Variants in GALNTL6 observed in about 807,000 individuals in gnomAD.
The protein encoded by GALNTL6 is polypeptide N-acetylgalactosaminyltransferase-like 6.
Under a neutral mutation model 73.7 loss-of-function variants are expected in GALNTL6, and 46 were observed. The observed-to-expected ratio is 0.62, with a 90% CI of 0.49 to 0.80. GALNTL6 has a LOEUF of 0.80. GALNTL6 is among the 30% of genes least tolerant of loss of function. The pLI, the probability that GALNTL6 is intolerant of heterozygous loss-of-function variation, is 0.00. For synonymous variants in GALNTL6, 259 were observed against 263.7 expected (o/e 0.98, Z 0.17); for missense variants, 604 against 755.0 (o/e 0.80, Z 2.34).
intron 5 of GALNTL6, among the ~76,000 whole-genome samples, chr4:172,658,492 GA>G (rs910757766): frequency 1.3e-4 from 19 of 141,636 alleles, no homozygotes; most frequent in South Asian, 4.6e-4. Context: ...GAAAGAAAAA[GA>G]AAAAAAAAAG....
At chr4:172,122,319 C>G (rs1733174208) in intron 2 of GALNTL6, among the ~76,000 whole-genome samples, 1 of 151,830 alleles carries the variant, frequency 6.6e-6, no homozygotes, top group Non-Finnish European at 1.5e-5. Context: ...GGGAAAGAGT[C>G]TCATTATGAT....
chr4:172,629,754 A>G (rs952213785), intron 5 of GALNTL6, among the ~76,000 whole-genome samples: 3 of 152,306 alleles, frequency 2.0e-5, no homozygotes, highest in East Asian at 1.9e-4. Context: ...GGGAATTCCA[A>G]TGATGATGTA....
At chr4:171,983,464 T>TTTTTTTTA (rs373508042) in intron 2 of GALNTL6, among the ~76,000 whole-genome samples, 1 of 141,072 alleles carries the variant, frequency 7.1e-6, no homozygotes, top group Non-Finnish European at 1.5e-5. Flanking sequence ...GGCATCTTGA[T>TTTTTTTTA]TTTATTTATT....
At chr4:171,949,675 A>C (rs1021493259) in intron 2 of GALNTL6, among the ~76,000 whole-genome samples, 2 of 152,196 alleles carry the variant, frequency 1.3e-5, no homozygotes, top group Admixed American at 6.5e-5. Context: ...ACTAAGTAAA[A>C]ATATATTATA....
intron 2 of GALNTL6, among the ~76,000 whole-genome samples, chr4:171,864,740 A>G (rs1441575112): frequency 6.6e-6 from 1 of 152,204 alleles, no homozygotes; most frequent in East Asian, 1.9e-4. Context: ...CACTTGTGCC[A>G]CTTCCTCCTG....
chr4:172,877,834 A>T (rs1745271203), intron 7 of GALNTL6, among the ~76,000 whole-genome samples: 1 of 151,970 alleles, frequency 6.6e-6, no homozygotes. Context: ...TCAAAGCCTG[A>T]TTTGTGATAT....
chr4:171,983,752 G>T (rs1325693739), intron 2 of GALNTL6, among the ~76,000 whole-genome samples: 1 of 152,066 alleles, frequency 6.6e-6, no homozygotes, highest in Admixed American at 6.5e-5. Flanking sequence ...AAATGTGGGG[G>T]TTAGAGTCTT....
At chr4:172,551,852 T>C (rs564098399) in intron 5 of GALNTL6, among the ~76,000 whole-genome samples, 1 of 152,186 alleles carries the variant, frequency 6.6e-6, no homozygotes, top group South Asian at 2.1e-4. Context: ...AGGTAAACAA[T>C]GGGGGTGTTT....
At chr4:172,589,564 T>TA (rs1737554669) in intron 5 of GALNTL6, among the ~76,000 whole-genome samples, 1 of 152,218 alleles carries the variant, frequency 6.6e-6, no homozygotes, top group Non-Finnish European at 1.5e-5. Flanking sequence ...TCTAATGTCA[T>TA]AGTCCGTGCT....
intron 2 of GALNTL6, among the ~76,000 whole-genome samples, chr4:171,832,353 A>G (rs932770090): frequency 3.3e-5 from 5 of 151,488 alleles, no homozygotes; most frequent in South Asian, 2.1e-4. Flanking sequence ...ATTTACAATT[A>G]TTTATCTCAT....
chr4:172,837,868 A>G (rs1423757144), intron 7 of GALNTL6, among the ~76,000 whole-genome samples: 1 of 152,242 alleles, frequency 6.6e-6, no homozygotes, highest in East Asian at 1.9e-4. Flanking sequence ...AATAATAAAA[A>G]GCAATGAGTA....
At chr4:172,959,656 T>G (rs1335149297) in intron 10 of GALNTL6, among the ~76,000 whole-genome samples, 2 of 151,910 alleles carry the variant, frequency 1.3e-5, no homozygotes, top group African/African-American at 4.8e-5. Flanking sequence ...TGAGAAGATC[T>G]GGGAAGGAGT....
At chr4:172,331,941 C>G (rs1370726528) in intron 4 of GALNTL6, among the ~76,000 whole-genome samples, 1 of 152,136 alleles carries the variant, frequency 6.6e-6, no homozygotes, top group Non-Finnish European at 1.5e-5. Flanking sequence ...TTTAAGAAAT[C>G]TCTATACTGT....
chr4:172,529,008 C>CACACAG, intron 5 of GALNTL6, among the ~76,000 whole-genome samples: 1 of 23,884 alleles, frequency 4.2e-5, no homozygotes. Context: ...TATATATATA[C>CACACAG]ACACACACAC....
At chr4:172,140,154 G>A (rs1198531703) in intron 2 of GALNTL6, among the ~76,000 whole-genome samples, 3 of 151,980 alleles carry the variant, frequency 2.0e-5, no homozygotes, top group Non-Finnish European at 2.9e-5. Context: ...ACTGATATCA[G>A]AAAATTCGTT....
In GALNTL6 at chr4:171,829,704, C is replaced by G. The variant is rs1485870; in HGVS notation, c.138+14986C>G. On this transcript the variant is annotated intron_variant, in intron 2 of 12. Coordinates refer to ENST00000506823, the MANE Select transcript of GALNTL6 (RefSeq NM_001034845.3). ...ATATCTTCTTTTTCTGCCCTTATAA[C>G]GGTACTTATCAGTCTGAATATCAAC... 5.4e-4 allele frequency among the ~76,000 whole-genome samples: 82 copies of G among 151,826 alleles called. 1 individual carries two copies. The South Asian group carries it at 0.017, about 31-fold the overall frequency.
chr4:172,894,781 G>T (rs1373450038), intron 8 of GALNTL6, among the ~76,000 whole-genome samples: 4 of 152,076 alleles, frequency 2.6e-5, no homozygotes, highest in African/African-American at 9.7e-5. Context: ...GGGTGTTGAA[G>T]TATTCTACTA....
chr4:172,714,439 A>G (rs964972905), intron 5 of GALNTL6, among the ~76,000 whole-genome samples: 1 of 152,134 alleles, frequency 6.6e-6, no homozygotes, highest in Non-Finnish European at 1.5e-5. Flanking sequence ...AATCATAATG[A>G]TCGTAATACC....
intron 5 of GALNTL6, among the ~76,000 whole-genome samples, chr4:172,766,554 T>C (rs977078299): frequency 2.0e-5 from 3 of 152,198 alleles, no homozygotes; most frequent in African/African-American, 7.2e-5. Context: ...TAAGGCAACA[T>C]GCCTTAAAGA....
Sources: gnomAD v4.1 joint callset for allele counts (sites outside exome capture counted in the v4.1 genomes callset) on GRCh38, gnomAD v4.1.1 for gene constraint, MANE v1.5 for transcripts, NCBI Gene and HGNC (gene_info 2026-07-23, HGNC 2026-07-21) for gene names.